Variants in CRACD observed in about 807,000 individuals in gnomAD.
The protein encoded by CRACD is capping protein-inhibiting regulator of actin dynamics.
Under a neutral mutation model 106.8 loss-of-function variants are expected in CRACD, and 56 were observed. That is an observed-to-expected ratio of 0.52 (90% confidence interval 0.42 to 0.66). The LOEUF is 0.66. CRACD is among the 30% of genes least tolerant of loss of function. The pLI is 0.00. For missense variants in CRACD, 1,730 were observed against 1,623.2 expected (o/e 1.07, Z -1.13); for synonymous variants, 754 against 670.8 (o/e 1.12, Z -1.92).
intron 1 of CRACD, among the ~76,000 whole-genome samples, chr4:56,133,835 C>T (rs1159275164): frequency 2.6e-5 from 4 of 152,010 alleles, no homozygotes. Context: ...GGAAGGGGTA[C>T]AAAAATACTT....
intron 1 of CRACD, among the ~76,000 whole-genome samples, chr4:56,055,226 G>A (rs1732015814): frequency 6.6e-6 from 1 of 151,964 alleles, no homozygotes; most frequent in African/African-American, 2.4e-5. Flanking sequence ...CCTGGGGAGG[G>A]ATTGGCTGGC....
At chr4:56,282,415 T>C (rs1417684755) in intron 3 of CRACD, among the ~76,000 whole-genome samples, 2 of 152,180 alleles carry the variant, frequency 1.3e-5, no homozygotes, top group African/African-American at 2.4e-5. Flanking sequence ...CACTCCACAG[T>C]TGGATGATGT....
At chr4:56,231,520 C>T (rs1001076124) in intron 2 of CRACD, among the ~76,000 whole-genome samples, 6 of 152,166 alleles carry the variant, frequency 3.9e-5, no homozygotes, top group Admixed American at 6.5e-5. Context: ...CATTTATTCA[C>T]TGAGACATGC....
At chr4:56,224,836 A>G (rs1023579729) in intron 2 of CRACD, among the ~76,000 whole-genome samples, 2 of 152,228 alleles carry the variant, frequency 1.3e-5, no homozygotes, top group African/African-American at 2.4e-5. Flanking sequence ...TTCCAGCACA[A>G]GACTGCTCCT....
At chr4:56,181,210 G>A (rs1177591278) in intron 2 of CRACD, among the ~76,000 whole-genome samples, 1 of 152,176 alleles carries the variant, frequency 6.6e-6, no homozygotes, top group Non-Finnish European at 1.5e-5. Flanking sequence ...AGTGGGGTGG[G>A]AGTGCAAATT....
chr4:56,313,513 C>G (rs1240688177), intron 7 of CRACD, 134 bp downstream of exon 7: 4 of 753,070 alleles, frequency 5.3e-6, no homozygotes, highest in Non-Finnish European at 8.5e-6. Context: ...GAGTGTGTGG[C>G]GGTGTTGGGG....
At chr4:56,249,814 G>C (rs1472384067) in intron 2 of CRACD, among the ~76,000 whole-genome samples, 1 of 152,158 alleles carries the variant, frequency 6.6e-6, no homozygotes, top group Non-Finnish European at 1.5e-5. Context: ...TTGTCTCATG[G>C]TTCTTTGAAC....
chr4:56,148,890 G>A (rs892018539), intron 1 of CRACD, among the ~76,000 whole-genome samples: 25 of 150,942 alleles, frequency 1.7e-4, no homozygotes, highest in African/African-American at 5.1e-4. Context: ...ATCTCGGCTC[G>A]CTGCAACTGC....
intron 3 of CRACD, among the ~76,000 whole-genome samples, chr4:56,296,294 G>T (rs1032476548): frequency 5.3e-5 from 8 of 151,866 alleles, no homozygotes; most frequent in Non-Finnish European, 1.0e-4. Context: ...GTGATGATGG[G>T]GATTAAATGA....
intron 4 of CRACD, among the ~76,000 whole-genome samples, chr4:56,302,894 A>C (rs1389478198): frequency 6.6e-6 from 1 of 152,188 alleles, no homozygotes; most frequent in Non-Finnish European, 1.5e-5. Flanking sequence ...CCACATTACA[A>C]CAAAATGGTC....
At chr4:56,227,079 A>T (rs565663022) in intron 2 of CRACD, among the ~76,000 whole-genome samples, 1 of 152,206 alleles carries the variant, frequency 6.6e-6, no homozygotes, top group Admixed American at 6.5e-5. Flanking sequence ...CTCTTTATAA[A>T]TTACTCAACC....
chr4:56,317,259 C>G (rs918939522), intron 8 of CRACD, among the ~76,000 whole-genome samples: 1 of 152,142 alleles, frequency 6.6e-6, no homozygotes, highest in African/African-American at 2.4e-5. Context: ...GTGCCCAACG[C>G]CAGAGGCAGC....
intron 1 of CRACD, among the ~76,000 whole-genome samples, chr4:56,108,007 C>G (rs1273299228): frequency 3.3e-5 from 5 of 152,128 alleles, no homozygotes; most frequent in South Asian, 4.2e-4. Flanking sequence ...TCCTGTTGCC[C>G]TGGAGAACTA....
In CRACD at chr4:56,220,614, G is replaced by A. The variant is rs561776044; in HGVS notation, c.-189+41184G>A. 5.2e-4 allele frequency among the ~76,000 whole-genome samples: 79 copies of A among 152,122 alleles called. 1 individual carries two copies. Among genetic ancestry groups the A allele is most frequent in the African/African-American group, 1.9e-3 (77 of 41,508 alleles). ...GACTGGTAAAATTCTTTGCAAGCCC[G>A]GCTTTTGATTTTTTTTTTTTGGAAT... On this transcript the variant is annotated intron_variant, in intron 2 of 10. Transcript: ENST00000682029.
chr4:56,305,902 C>G (rs551473604), intron 4 of CRACD, among the ~76,000 whole-genome samples: 2 of 152,216 alleles, frequency 1.3e-5, no homozygotes, highest in Admixed American at 1.3e-4. Flanking sequence ...GGGATTCTTG[C>G]GCCAGGGAAC....
At chr4:56,142,461 G>T (rs1036768954) in intron 1 of CRACD, among the ~76,000 whole-genome samples, 2 of 152,036 alleles carry the variant, frequency 1.3e-5, no homozygotes, top group African/African-American at 4.8e-5. Context: ...CTATATCCTG[G>T]AGAAATCTGG....
intron 1 of CRACD, among the ~76,000 whole-genome samples, chr4:56,086,046 A>G (rs1733208142): frequency 6.6e-6 from 1 of 152,100 alleles, no homozygotes; most frequent in Non-Finnish European, 1.5e-5. Context: ...TTGCATACTC[A>G]TTCCTAGAGA....
At chr4:56,121,456 C>A (rs1462606887) in intron 1 of CRACD, among the ~76,000 whole-genome samples, 1 of 152,032 alleles carries the variant, frequency 6.6e-6, no homozygotes, top group Admixed American at 6.6e-5. Flanking sequence ...CCAGCCTGGC[C>A]AACATGGTGA....
chr4:56,072,703 C>G (rs1732701168), intron 1 of CRACD, among the ~76,000 whole-genome samples: 3 of 151,922 alleles, frequency 2.0e-5, no homozygotes, highest in Non-Finnish European at 2.9e-5. Flanking sequence ...TTTGCTGCAC[C>G]CATCAACCTG....
Sources: gnomAD v4.1 joint callset for allele counts (sites outside exome capture counted in the v4.1 genomes callset) on GRCh38, gnomAD v4.1.1 for gene constraint, MANE v1.5 for transcripts, NCBI Gene and HGNC (gene_info 2026-07-23, HGNC 2026-07-21) for gene names.